The following SLC4A8 variants were observed in gnomAD, a reference collection of about 807,000 sequenced individuals.
The protein encoded by SLC4A8 is electroneutral sodium bicarbonate exchanger 1.
In SLC4A8, 40 loss-of-function variants were observed where a neutral mutation model predicts 125.0. That is an observed-to-expected ratio of 0.32 (90% CI 0.25 to 0.42). The LOEUF is 0.42. Ranked by LOEUF, SLC4A8 falls within the 10% of genes least tolerant of loss-of-function variation. SLC4A8 has a pLI of 1.00. For synonymous variants in SLC4A8, 456 were observed against 476.0 expected (o/e 0.96, Z 0.55); for missense variants, 863 against 1,355.1 (o/e 0.64, Z 5.70).
intron 1 of SLC4A8, among the ~76,000 whole-genome samples, chr12:51,413,532 T>C (rs1443721295): frequency 6.6e-6 from 1 of 152,192 alleles, no homozygotes; most frequent in Admixed American, 6.5e-5. Context: ...TTTCTTCTAG[T>C]AGTATTTATA....
intron 19 of SLC4A8, among the ~76,000 whole-genome samples, chr12:51,492,611 A>G (rs945411517): frequency 6.6e-6 from 1 of 152,196 alleles, no homozygotes; most frequent in Non-Finnish European, 1.5e-5. Flanking sequence ...AACAACATCG[A>G]ATTGGAATGT....
intron 11 of SLC4A8, chr12:51,469,294 C>T: frequency 5.0e-6 from 1 of 200,164 alleles, no homozygotes; most frequent in Non-Finnish European, 1.0e-5. Flanking sequence ...ACATTTCCTC[C>T]TAACAGCTCA....
chr12:51,466,785 G>A (rs184684259), intron 11 of SLC4A8, among the ~76,000 whole-genome samples: 4 of 152,178 alleles, frequency 2.6e-5, no homozygotes, highest in Admixed American at 6.5e-5. Flanking sequence ...ATCTTTCCCC[G>A]CCTTTTAATA....
chr12:51,473,297 A>C (rs1027445976), intron 14 of SLC4A8, among the ~76,000 whole-genome samples: 4 of 152,352 alleles, frequency 2.6e-5, no homozygotes, highest in African/African-American at 9.6e-5. Context: ...TTGGAATCAT[A>C]CAGTACGTAG....
At chr12:51,455,324 G>A (rs78479141) in intron 5 of SLC4A8, among the ~76,000 whole-genome samples, 8,396 of 151,008 alleles carry the variant, frequency 0.056, 711 homozygotes, top group African/African-American at 0.18. Flanking sequence ...CAAGGAGCTC[G>A]CCTTCAAGTG....
At chr12:51,470,680 C>G (rs186569743) in intron 13 of SLC4A8, among the ~76,000 whole-genome samples, 155 bp downstream of exon 13, 2 of 152,118 alleles carry the variant, frequency 1.3e-5, no homozygotes, top group Non-Finnish European at 2.9e-5. Flanking sequence ...GTCCTGCCCC[C>G]GGGTAGCACC....
At chr12:51,394,519 TC>T (rs1342691916) in intron 1 of SLC4A8, among the ~76,000 whole-genome samples, 2 of 152,168 alleles carry the variant, frequency 1.3e-5, no homozygotes, top group East Asian at 3.9e-4. Context: ...CAGGCAACTT[TC>T]GAAAAATGGT....
At chr12:51,411,511 C>T (rs559472718) in intron 1 of SLC4A8, among the ~76,000 whole-genome samples, 1 of 152,192 alleles carries the variant, frequency 6.6e-6, no homozygotes, top group African/African-American at 2.4e-5. Context: ...ATCACCTGAG[C>T]CCAGGAAGTT....
intron 8 of SLC4A8, among the ~76,000 whole-genome samples, chr12:51,460,540 G>A (rs1565792818): frequency 6.6e-6 from 1 of 152,144 alleles, no homozygotes; most frequent in African/African-American, 2.4e-5. Flanking sequence ...CCATTCAAAG[G>A]ACATAGCAAG....
intron 24 of SLC4A8, among the ~76,000 whole-genome samples, chr12:51,506,181 T>C (rs941040431): frequency 6.6e-6 from 1 of 152,248 alleles, no homozygotes; most frequent in Admixed American, 6.5e-5. Context: ...TTTTGGCATA[T>C]AAATTTGCTT....
At position 51,506,060 on chromosome 12, in the gene SLC4A8, A is replaced by G. The variant is rs1240719098; in HGVS notation, c.3269+130A>G. 4 of 601,402 alleles carry G rather than the reference A, an allele frequency of 6.7e-6. No homozygotes were observed. In the East Asian group the frequency reaches 8.4e-5, roughly 13 times the overall value. 37.3% of individuals were successfully genotyped at this position (601,402 alleles called of 1,614,324 possible). A position where few individuals can be genotyped will look rare whatever the true frequency, so the allele number is the denominator to read the frequency against. On this transcript the variant is annotated intron_variant, in intron 24 of 24. Coordinates refer to ENST00000453097, the MANE Select transcript of SLC4A8 (RefSeq NM_001039960.3). Reference sequence around the variant, plus strand: ...AATAGCACTTCCAGGAACTGCCGCTAACCACATAAGAATAGCTATAAGCCT... The same window carrying G: ...AATAGCACTTCCAGGAACTGCCGCTGACCACATAAGAATAGCTATAAGCCT...
rs189872011 is a variant in SLC4A8, at chr12:51,408,793, C to G, written c.-112+17305C>G. On this transcript the variant is annotated intron_variant, in intron 1 of 24. Transcript: ENST00000358657. The stretch of plus-strand genomic sequence containing the variant: ...CAAGGGAGCCATTGCTGGGCCTCTT[C>G]CCTGCTGTTCCTCAAGAAAAGGAAA... Among the ~76,000 whole-genome samples, 232 of 152,240 alleles carry G rather than the reference C, an allele frequency of 1.5e-3. 2 individuals carry two copies. Among genetic ancestry groups the G allele is most frequent in the African/African-American group, 5.5e-3 (227 of 41,518 alleles).
At chr12:51,473,303 C>T (rs951869692) in intron 14 of SLC4A8, among the ~76,000 whole-genome samples, 3 of 152,142 alleles carry the variant, frequency 2.0e-5, no homozygotes, top group African/African-American at 7.2e-5. Flanking sequence ...TCATACAGTA[C>T]GTAGCCTTTT....
chr12:51,498,879 CAA>C (rs1179044009), intron 22 of SLC4A8, among the ~76,000 whole-genome samples: 1 of 35,900 alleles, frequency 2.8e-5, no homozygotes, highest in Non-Finnish European at 4.4e-5. Flanking sequence ...GATCCTGTCT[CAA>C]AAAAAAAAAA....
At chr12:51,453,484 C>T in intron 4 of SLC4A8, 55 bp from the exon 5 acceptor site, 1 of 1,574,880 alleles carries the variant, frequency 6.3e-7, no homozygotes, top group Non-Finnish European at 8.7e-7. Flanking sequence ...AAGATTCTCT[C>T]TTAAAAATTC....
intron 1 of SLC4A8, among the ~76,000 whole-genome samples, chr12:51,427,721 A>T (rs1949043903): frequency 6.6e-6 from 1 of 152,138 alleles, no homozygotes; most frequent in African/African-American, 2.4e-5. Flanking sequence ...ACTTGATGTA[A>T]ACAGAGAGGT....
intron 11 of SLC4A8, 136 bp downstream of exon 11, chr12:51,463,850 C>T: frequency 1.7e-6 from 1 of 603,100 alleles, no homozygotes; most frequent in Admixed American, 3.0e-5. Flanking sequence ...TCAAATGGAA[C>T]CACTGACTAG....
At chr12:51,448,011 G>T (rs1397988533) in intron 2 of SLC4A8, among the ~76,000 whole-genome samples, 1 of 152,136 alleles carries the variant, frequency 6.6e-6, no homozygotes, top group Non-Finnish European at 1.5e-5. Context: ...GAGCCACCAC[G>T]TCCGGCTGGG....
At chr12:51,436,957 T>A (rs1592180321) in intron 1 of SLC4A8, among the ~76,000 whole-genome samples, 1 of 152,228 alleles carries the variant, frequency 6.6e-6, no homozygotes, top group Non-Finnish European at 1.5e-5. Flanking sequence ...CAAACACTTA[T>A]GTTCCAACAC....
Sources: allele counts gnomAD v4.1 joint callset (sites outside exome capture counted in the v4.1 genomes callset), GRCh38; gene constraint gnomAD v4.1.1; transcripts MANE v1.5; gene names NCBI Gene and HGNC (gene_info 2026-07-23, HGNC 2026-07-21).